The following CACNB4 variants were observed in gnomAD, a reference collection of about 807,000 sequenced individuals.
The protein encoded by CACNB4 is voltage-dependent L-type calcium channel subunit beta-4.
Under a neutral mutation model 71.2 loss-of-function variants are expected in CACNB4, and 32 were observed. The ratio of observed to expected loss-of-function variants is 0.45; its 90% CI spans 0.34 to 0.60. The LOEUF (loss-of-function observed/expected upper bound fraction) is 0.60, where lower values mean the gene tolerates loss of function less well. Ranked by LOEUF, CACNB4 falls within the 20% of genes least tolerant of loss-of-function variation. The pLI is 0.01. For missense variants in CACNB4, 464 were observed against 647.9 expected, an observed-to-expected ratio of 0.72 and a Z score of 3.08; for synonymous variants, 231 against 236.9, an observed-to-expected ratio of 0.97 and a Z score of 0.23.
chr2:151,895,093 G>GCA (rs1553765383), intron 2 of CACNB4, among the ~76,000 whole-genome samples: 3 of 25,648 alleles, frequency 1.2e-4, no homozygotes, highest in African/African-American at 3.0e-4. Flanking sequence ...AACTCAAATA[G>GCA]CCCCACACAC....
intron 2 of CACNB4, among the ~76,000 whole-genome samples, chr2:151,905,552 T>G (rs2099854578): frequency 6.6e-6 from 1 of 152,246 alleles, no homozygotes; most frequent in Non-Finnish European, 1.5e-5. Flanking sequence ...TATGATAGAA[T>G]AGCCACAAAT....
At chr2:151,933,513 T>C (rs948228392) in intron 2 of CACNB4, among the ~76,000 whole-genome samples, 4 of 152,066 alleles carry the variant, frequency 2.6e-5, no homozygotes, top group African/African-American at 7.2e-5. Flanking sequence ...TTGTAACAGA[T>C]AGAAAAACTG....
In CACNB4 at chr2:151,835,327, AAC is replaced by A. The variant is rs2099834668; in HGVS notation, c.*3790_*3791del. On this transcript the variant is annotated 3_prime_UTR_variant, in exon 14 of 14. Transcript: ENST00000539935. ...AAAGGGTGCCAAACAGCATTTTGGA[AAC>A]AGTTTAAAATCTAAAGGGAAGGCAT... 6.6e-6 allele frequency: 1 copy of A among 151,948 alleles called. No individual in the cohort carries two copies. Among genetic ancestry groups the A allele is most frequent in the Admixed American group, 6.6e-5 (1 of 15,256 alleles). The allele number at this position is 151,948 out of a possible 1,614,324, so 9.4% of individuals were successfully genotyped here. A position where few individuals can be genotyped will look rare whatever the true frequency, so the allele number is the denominator to read the frequency against.
chr2:151,929,354 A>C (rs1365568400), intron 2 of CACNB4, among the ~76,000 whole-genome samples: 2 of 152,172 alleles, frequency 1.3e-5, no homozygotes, highest in African/African-American at 4.8e-5. Flanking sequence ...AAAAGGTAAG[A>C]CTCATAACCC....
At chr2:151,974,409 A>G (rs2099873399) in intron 2 of CACNB4, among the ~76,000 whole-genome samples, 1 of 152,208 alleles carries the variant, frequency 6.6e-6, no homozygotes, top group South Asian at 2.1e-4. Flanking sequence ...ACAGATGGTA[A>G]GATTTCTTGT....
At chr2:151,924,851 G>A (rs1404377471) in intron 2 of CACNB4, among the ~76,000 whole-genome samples, 1 of 152,066 alleles carries the variant, frequency 6.6e-6, no homozygotes, top group Non-Finnish European at 1.5e-5. Flanking sequence ...CACGGTTGAG[G>A]TGTGGTAAGG....
intron 2 of CACNB4, among the ~76,000 whole-genome samples, chr2:152,006,976 A>C (rs2151789355): frequency 6.6e-6 from 1 of 152,132 alleles, no homozygotes; most frequent in African/African-American, 2.4e-5. Context: ...TCCCTTTCTC[A>C]GTTGTGTCAT....
intron 2 of CACNB4, among the ~76,000 whole-genome samples, chr2:152,032,487 A>G (rs1579167599): frequency 6.6e-6 from 1 of 152,366 alleles, no homozygotes; most frequent in Admixed American, 6.5e-5. Context: ...AGAAAGCCAC[A>G]ATTAATTACA....
rs536551612 is a variant in CACNB4, at chr2:152,023,495, C to T, written c.147+74835G>A. 8.5e-5 allele frequency among the ~76,000 whole-genome samples: 13 copies of T among 152,078 alleles called. No homozygotes were observed. In the South Asian group the frequency reaches 1.9e-3, roughly 22 times the overall value. On this transcript the variant is annotated intron_variant, in intron 2 of 13. Coordinates refer to ENST00000539935, the MANE Select transcript of CACNB4 (RefSeq NM_000726.5). ...TGTCCCCCCGGCTGGAATGCAATGGCGCGATCTCAGCTCACTGCAACCTCT... is the reference window on the plus strand; with the variant it reads ...TGTCCCCCCGGCTGGAATGCAATGGTGCGATCTCAGCTCACTGCAACCTCT...
intron 12 of CACNB4, among the ~76,000 whole-genome samples, chr2:151,844,682 C>T (rs1167342061): frequency 6.6e-6 from 1 of 152,172 alleles, no homozygotes; most frequent in Non-Finnish European, 1.5e-5. Flanking sequence ...GAGGTGCTGA[C>T]TTGAGTGAGA....
At chr2:152,059,829 C>T (rs1685914969) in intron 2 of CACNB4, among the ~76,000 whole-genome samples, 1 of 152,162 alleles carries the variant, frequency 6.6e-6, no homozygotes, top group Non-Finnish European at 1.5e-5. Flanking sequence ...TTTTGAATTG[C>T]AATCCACACA....
chr2:151,944,027 C>CTTTTTT (rs377579759), intron 2 of CACNB4, among the ~76,000 whole-genome samples: 2 of 134,878 alleles, frequency 1.5e-5, no homozygotes. Context: ...TACTTTCTTT[C>CTTTTTT]TTTTTTTTTT....
In CACNB4 at chr2:151,835,692, C is replaced by T. The variant is rs1452735968; in HGVS notation, c.*3427G>A. ...TGCAAACCATCTTTTAGCATAATTT[C>T]CTTTTCTTACTTCCTTTCACTGCCT... On this transcript the variant is annotated 3_prime_UTR_variant, in exon 14 of 14. Coordinates refer to ENST00000539935, the MANE Select transcript of CACNB4 (RefSeq NM_000726.5). The T allele has an allele frequency of 1.3e-5, 2 of 151,808 alleles. No individual in the cohort carries two copies. Among genetic ancestry groups the T allele is most frequent in the African/African-American group, 2.4e-5 (1 of 41,408 alleles). The allele number at this position is 151,808 out of a possible 1,614,324, so 9.4% of individuals were successfully genotyped here.
intron 2 of CACNB4, among the ~76,000 whole-genome samples, chr2:152,012,084 C>T (rs1241046776): frequency 7.7e-6 from 1 of 129,468 alleles, no homozygotes; most frequent in African/African-American, 2.9e-5. Flanking sequence ...TTAGAGTATA[C>T]TCCTTCTATT....
At chr2:151,874,286 G>C (rs2099845380) in intron 5 of CACNB4, among the ~76,000 whole-genome samples, 1 of 152,010 alleles carries the variant, frequency 6.6e-6, no homozygotes, top group African/African-American at 2.4e-5. Flanking sequence ...TGACCAATAT[G>C]ATGAAACCCC....
intron 2 of CACNB4, among the ~76,000 whole-genome samples, chr2:152,091,014 A>G (rs1447118030): frequency 2.0e-5 from 3 of 151,970 alleles, no homozygotes; most frequent in Non-Finnish European, 4.4e-5. Flanking sequence ...ACTGCACTCC[A>G]GCCTGAGCAA....
Position 152,024,321 on chromosome 2 carries a change from A to G in CACNB4, c.147+74009T>C, listed in dbSNP as rs139616027. ...GTGCCTGGGCAACAGAGCTGTCTCA[A>G]AAAAAGAACTAATTGTTTACCAGTT... On this transcript the variant is annotated intron_variant, in intron 2 of 13. Transcript: ENST00000539935. Among the ~76,000 whole-genome samples the G allele has an allele frequency of 2.6e-3, 392 of 152,338 alleles. 4 individuals carry two copies. The highest frequency in any genetic ancestry group is 2.4e-3 in the Non-Finnish European group (161 of 68,028).
intron 13 of CACNB4, chr2:151,841,702 T>C (rs148724071): frequency 1.9e-6 from 1 of 520,882 alleles, no homozygotes; most frequent in Non-Finnish European, 3.3e-6. Flanking sequence ...ACAGACAGCA[T>C]AATTCTCAGG....
chr2:152,037,075 T>C (rs1276113761), intron 2 of CACNB4, among the ~76,000 whole-genome samples: 1 of 152,192 alleles, frequency 6.6e-6, no homozygotes, highest in African/African-American at 2.4e-5. Flanking sequence ...TTTCCACACT[T>C]GCGGCTCAGG....
Sources: gnomAD v4.1 joint callset for allele counts (sites outside exome capture counted in the v4.1 genomes callset) on GRCh38, gnomAD v4.1.1 for gene constraint, MANE v1.5 for transcripts, NCBI Gene and HGNC (gene_info 2026-07-23, HGNC 2026-07-21) for gene names.